Variants in EPHA6 observed in about 807,000 individuals in gnomAD.
EPHA6 encodes the protein EPH receptor A6, also known as ephrin type-A receptor 6.
A neutral mutation model predicts 112.0 loss-of-function variants in EPHA6; 50 were observed. The observed-to-expected ratio is 0.45, with a 90% confidence interval of 0.36 to 0.56. The LOEUF (loss-of-function observed/expected upper bound fraction) is 0.56, where lower values mean the gene tolerates loss of function less well. EPHA6 is among the 20% of genes least tolerant of loss of function. The pLI is 0.00. For missense variants in EPHA6, 1,280 were observed against 1,417.4 expected, an observed-to-expected ratio of 0.90 and a Z score of 1.56; for synonymous variants, 529 against 490.7, an observed-to-expected ratio of 1.08 and a Z score of -1.03.
chr3:97,294,231 C>G (rs377542673), intron 5 of EPHA6, among the ~76,000 whole-genome samples: 2 of 152,310 alleles, frequency 1.3e-5, no homozygotes, highest in African/African-American at 2.4e-5. Flanking sequence ...TTTCTCAGCC[C>G]CCACTGAATC....
chr3:97,101,887 A>G (rs1387649962), intron 3 of EPHA6, among the ~76,000 whole-genome samples: 1 of 152,008 alleles, frequency 6.6e-6, no homozygotes, highest in Non-Finnish European at 1.5e-5. Flanking sequence ...GCCACTTACT[A>G]TTTTGACTAT....
chr3:97,111,054 T>C (rs905932186), intron 3 of EPHA6, among the ~76,000 whole-genome samples: 2 of 152,066 alleles, frequency 1.3e-5, no homozygotes, highest in Non-Finnish European at 2.9e-5. Flanking sequence ...AAAAAGAGCT[T>C]TACATATGAA....
intron 12 of EPHA6, among the ~76,000 whole-genome samples, chr3:97,603,244 G>A (rs909648833): frequency 1.3e-5 from 2 of 151,896 alleles, no homozygotes; most frequent in African/African-American, 2.4e-5. Context: ...TTTCTAGCAG[G>A]AAGGAGGACA....
chr3:96,890,122 A>T (rs1297623080), intron 2 of EPHA6, among the ~76,000 whole-genome samples: 1 of 120,682 alleles, frequency 8.3e-6, no homozygotes, highest in Non-Finnish European at 1.7e-5. Flanking sequence ...CCCCCAAAAT[A>T]AAAAAAAAAA....
intron 3 of EPHA6, among the ~76,000 whole-genome samples, chr3:97,040,422 A>G (rs1391346067): frequency 2.0e-5 from 3 of 152,030 alleles, no homozygotes; most frequent in African/African-American, 7.2e-5. Flanking sequence ...TTTCATATCA[A>G]AATCGGTTTT....
intron 5 of EPHA6, among the ~76,000 whole-genome samples, chr3:97,265,742 G>A (rs193168885): frequency 6.6e-6 from 1 of 152,188 alleles, no homozygotes; most frequent in Non-Finnish European, 1.5e-5. Flanking sequence ...GGTTCCCACC[G>A]CTGCCACTGC....
At chr3:97,012,605 G>A (rs896548217) in intron 3 of EPHA6, among the ~76,000 whole-genome samples, 13 of 139,818 alleles carry the variant, frequency 9.3e-5, no homozygotes, top group Admixed American at 4.3e-4. Flanking sequence ...GTGTGTGTGT[G>A]TGTATATATA....
At chr3:96,920,756 T>C (rs2039715338) in intron 2 of EPHA6, among the ~76,000 whole-genome samples, 2 of 152,026 alleles carry the variant, frequency 1.3e-5, no homozygotes, top group Non-Finnish European at 2.9e-5. Flanking sequence ...CCCCCACTTA[T>C]TTAAATAACT....
At chr3:96,974,851 A>G (rs1431282060) in intron 2 of EPHA6, among the ~76,000 whole-genome samples, 2 of 152,204 alleles carry the variant, frequency 1.3e-5, no homozygotes, top group African/African-American at 4.8e-5. Flanking sequence ...TCTAAGACAT[A>G]CATGTTGAAT....
intron 5 of EPHA6, among the ~76,000 whole-genome samples, chr3:97,324,430 T>TTTCTTTCA (rs1491200700): frequency 6.9e-6 from 1 of 145,210 alleles, no homozygotes; most frequent in Non-Finnish European, 1.5e-5. Context: ...TCTTTCTTTC[T>TTTCTTTCA]TTCTTTCTTT....
chr3:97,748,253 T>C (rs977854873), intron 17 of EPHA6, among the ~76,000 whole-genome samples: 6 of 152,088 alleles, frequency 3.9e-5, no homozygotes, highest in Non-Finnish European at 8.8e-5. Flanking sequence ...TATATAGCAT[T>C]TACGCCTATG....
intron 11 of EPHA6, among the ~76,000 whole-genome samples, chr3:97,587,818 C>A (rs2093505081): frequency 6.6e-6 from 1 of 152,136 alleles, no homozygotes; most frequent in Non-Finnish European, 1.5e-5. Flanking sequence ...AGGTTGGACA[C>A]CACTATGTAA....
intron 2 of EPHA6, among the ~76,000 whole-genome samples, chr3:96,880,657 C>T (rs574197766): frequency 6.6e-6 from 1 of 152,044 alleles, no homozygotes; most frequent in Non-Finnish European, 1.5e-5. Context: ...TTTCATCACC[C>T]CATATCCATT....
chr3:96,916,741 T>C (rs765225331), intron 2 of EPHA6, among the ~76,000 whole-genome samples: 5 of 152,124 alleles, frequency 3.3e-5, no homozygotes, highest in Non-Finnish European at 7.4e-5. Context: ...AAATGACTTA[T>C]TAGCGCTTGA....
At chr3:96,903,451 G>T (rs1192146788) in intron 2 of EPHA6, among the ~76,000 whole-genome samples, 1 of 152,050 alleles carries the variant, frequency 6.6e-6, no homozygotes, top group Non-Finnish European at 1.5e-5. Context: ...CAAACAAAAT[G>T]GGGAATGGGG....
chr3:97,693,650 A>G (rs942987816), intron 14 of EPHA6, among the ~76,000 whole-genome samples: 4 of 152,044 alleles, frequency 2.6e-5, no homozygotes, highest in Admixed American at 6.5e-5. Context: ...TACTAAAAAT[A>G]CAAAAAAATT....
At chr3:97,510,641 A>G (rs570342281) in intron 10 of EPHA6, among the ~76,000 whole-genome samples, 32 of 152,074 alleles carry the variant, frequency 2.1e-4, no homozygotes, top group South Asian at 6.2e-4. Flanking sequence ...TGGGAGGTGT[A>G]TCCCAGTCAG....
At chr3:97,253,766 A>G (rs60508946) in intron 5 of EPHA6, among the ~76,000 whole-genome samples, 1 of 152,278 alleles carries the variant, frequency 6.6e-6, no homozygotes, top group East Asian at 1.9e-4. Flanking sequence ...TAATGCTCAT[A>G]TTAATGGATG....
At chr3:97,290,035 A>G (rs2080621487) in intron 5 of EPHA6, among the ~76,000 whole-genome samples, 2 of 151,658 alleles carry the variant, frequency 1.3e-5, no homozygotes, top group African/African-American at 2.4e-5. Flanking sequence ...TCTAGTTTTC[A>G]TAGGTGTGAT....
Sources: gnomAD v4.1 joint callset for allele counts (sites outside exome capture counted in the v4.1 genomes callset) on GRCh38, gnomAD v4.1.1 for gene constraint, MANE v1.5 for transcripts, NCBI Gene and HGNC (gene_info 2026-07-23, HGNC 2026-07-21) for gene names.